Variants in CNTNAP2 observed in about 807,000 individuals in gnomAD.
The protein encoded by CNTNAP2 is contactin-associated protein-like 2.
In CNTNAP2, 98 loss-of-function variants were observed where a neutral mutation model predicts 155.2. The ratio of observed to expected loss-of-function variants is 0.63; its 90% confidence interval spans 0.54 to 0.75. The LOEUF is 0.75. CNTNAP2 is among the 30% of genes least tolerant of loss of function. The probability of loss-of-function intolerance (pLI) is 0.00; values close to 1 mark genes in which losing one functional copy is unlikely to be tolerated. For synonymous variants in CNTNAP2, 651 were observed against 631.2 expected (o/e 1.03, Z -0.47); for missense variants, 1,727 against 1,688.1 (o/e 1.02, Z -0.40).
chr7:147,499,270 T>A (rs969267574), intron 11 of CNTNAP2, among the ~76,000 whole-genome samples: 1 of 152,150 alleles, frequency 6.6e-6, no homozygotes, highest in African/African-American at 2.4e-5. Flanking sequence ...GGCTCTCGCC[T>A]GTAATCCCAG....
intron 9 of CNTNAP2, among the ~76,000 whole-genome samples, chr7:147,334,789 T>A (rs902495788): frequency 1.3e-5 from 2 of 152,152 alleles, no homozygotes; most frequent in African/African-American, 4.8e-5. Flanking sequence ...TGTTCGTGTG[T>A]GAAAACGAGG....
intron 5 of CNTNAP2, among the ~76,000 whole-genome samples, chr7:147,108,721 GAACAGATT>G (rs1800817742): frequency 6.6e-6 from 1 of 152,062 alleles, no homozygotes; most frequent in South Asian, 2.1e-4. Flanking sequence ...TGAACCAGTT[GAACAGATT>G]AATATGATAA....
intron 1 of CNTNAP2, among the ~76,000 whole-genome samples, chr7:146,321,306 A>C (rs558257866): frequency 2.2e-4 from 34 of 152,324 alleles, no homozygotes; most frequent in Admixed American, 2.2e-3. Flanking sequence ...AAGAATTAAA[A>C]CGAGAAGTTT....
chr7:146,932,118 G>T (rs1796773993), intron 3 of CNTNAP2, among the ~76,000 whole-genome samples: 1 of 151,934 alleles, frequency 6.6e-6, no homozygotes, highest in African/African-American at 2.4e-5. Context: ...ACCAAAGCCT[G>T]GCAGAGACAC....
chr7:146,910,762 A>G (rs1796255783), intron 3 of CNTNAP2, among the ~76,000 whole-genome samples: 1 of 148,658 alleles, frequency 6.7e-6, no homozygotes, highest in Non-Finnish European at 1.5e-5. Flanking sequence ...CTTCATGTCT[A>G]AAACACCAAA....
Position 146,134,871 on chromosome 7 carries a change from T to C in CNTNAP2, c.97+17898T>C, listed in dbSNP as rs940307683. 2.6e-5 allele frequency among the ~76,000 whole-genome samples: 4 copies of C among 151,746 alleles called. No individual in the cohort carries two copies. In the South Asian group the frequency reaches 6.2e-4, roughly 24 times the overall value. On this transcript the variant is annotated intron_variant, in intron 1 of 23. Coordinates refer to ENST00000361727, the MANE Select transcript of CNTNAP2 (RefSeq NM_014141.6). Reference sequence around the variant, plus strand: ...CATCAAGGATATTGGTCTAAAATTCTCTTTTTTTGTTGTGTCTCTGCCTGG... The same window carrying C: ...CATCAAGGATATTGGTCTAAAATTCCCTTTTTTTGTTGTGTCTCTGCCTGG...
At chr7:146,170,018 CTTTTTTTTTTT>C (rs71175637) in intron 1 of CNTNAP2, among the ~76,000 whole-genome samples, 1 of 126,940 alleles carries the variant, frequency 7.9e-6, no homozygotes, top group African/African-American at 2.9e-5. Context: ...CCTTTCTTTT[CTTTTTTTTTTT>C]TTTTTTGGAG....
At chr7:146,137,744 C>G (rs1679098016) in intron 1 of CNTNAP2, among the ~76,000 whole-genome samples, 2 of 151,568 alleles carry the variant, frequency 1.3e-5, no homozygotes, top group Admixed American at 1.3e-4. Context: ...GAGATAAGAC[C>G]AAGGTTAATT....
At chr7:146,585,873 T>G (rs1798683584) in intron 1 of CNTNAP2, among the ~76,000 whole-genome samples, 1 of 151,868 alleles carries the variant, frequency 6.6e-6, no homozygotes, top group Non-Finnish European at 1.5e-5. Flanking sequence ...GGGGTGGTCG[T>G]GTGCACCTAT....
At chr7:147,159,960 C>A (rs1437151887) in intron 8 of CNTNAP2, among the ~76,000 whole-genome samples, 1 of 151,578 alleles carries the variant, frequency 6.6e-6, no homozygotes, top group East Asian at 1.9e-4. Context: ...ACAAAAGTTG[C>A]AAAACAGAAG....
chr7:147,940,206 G>A (rs972724910), intron 14 of CNTNAP2: 2 of 149,820 alleles, frequency 1.3e-5, no homozygotes, highest in Non-Finnish European at 3.0e-5. Context: ...AGTGAGAAAC[G>A]GAGCAGGTCA....
chr7:147,551,259 C>A (rs1284274482), intron 11 of CNTNAP2, among the ~76,000 whole-genome samples: 1 of 152,058 alleles, frequency 6.6e-6, no homozygotes, highest in Non-Finnish European at 1.5e-5. Flanking sequence ...TCAATAAAGT[C>A]AGAATAAAGA....
At chr7:148,408,475 A>G (rs1285012324) in intron 22 of CNTNAP2, among the ~76,000 whole-genome samples, 3 of 152,322 alleles carry the variant, frequency 2.0e-5, no homozygotes, top group South Asian at 2.1e-4. Flanking sequence ...GTATGTAGCA[A>G]TGTTCTCCCT....
chr7:146,136,390 G>A (rs1584766786), intron 1 of CNTNAP2, among the ~76,000 whole-genome samples: 1 of 152,234 alleles, frequency 6.6e-6, no homozygotes, highest in East Asian at 1.9e-4. Flanking sequence ...ACTCACAAGG[G>A]ACCTCAAAAC....
chr7:148,072,811 G>A (rs186237262), intron 15 of CNTNAP2, among the ~76,000 whole-genome samples: 84 of 152,252 alleles, frequency 5.5e-4, no homozygotes, highest in Middle Eastern at 3.4e-3. Context: ...AGGTTCAAGC[G>A]ATTCTCCTGC....
At chr7:147,775,621 C>A (rs1246471541) in intron 13 of CNTNAP2, among the ~76,000 whole-genome samples, 1 of 151,042 alleles carries the variant, frequency 6.6e-6, no homozygotes, top group Admixed American at 6.7e-5. Flanking sequence ...CTTTTCAGAG[C>A]CCTGCTTCCT....
chr7:146,883,269 C>T lies in CNTNAP2; in HGVS notation c.402+43365C>T, dbSNP rs60847964. Among the ~76,000 whole-genome samples the T allele has an allele frequency of 5.4e-3, 823 of 152,208 alleles. 7 individuals are homozygous for T. The highest frequency in any genetic ancestry group is 0.019 in the African/African-American group (775 of 41,524). The stretch of plus-strand genomic sequence containing the variant: ...TTACAATGTTATTTCACAATATTCC[C>T]TATAAAGGTGTTTCCAATAATTTCA... On this transcript the variant is annotated intron_variant, in intron 3 of 23. Coordinates refer to ENST00000361727, the MANE Select transcript of CNTNAP2 (RefSeq NM_014141.6).
Position 147,050,073 on chromosome 7 carries a change from T to C in CNTNAP2, c.550+6019T>C, listed in dbSNP as rs148086976. On this transcript the variant is annotated intron_variant, in intron 4 of 23. Transcript: ENST00000361727. ...ACTCATTTGAAATCATTCTGCTTCCTCTACGTTTGGTTTTCCCTCAAGTTT... is the reference window on the plus strand; with the variant it reads ...ACTCATTTGAAATCATTCTGCTTCCCCTACGTTTGGTTTTCCCTCAAGTTT... 6.1e-3 allele frequency among the ~76,000 whole-genome samples: 928 copies of C among 152,324 alleles called. 7 individuals carry two copies. Among genetic ancestry groups the C allele is most frequent in the African/African-American group, 0.021 (854 of 41,562 alleles).
chr7:148,201,073 G>A (rs531792863), intron 18 of CNTNAP2, among the ~76,000 whole-genome samples: 3 of 152,262 alleles, frequency 2.0e-5, no homozygotes, highest in African/African-American at 7.2e-5. Context: ...TGAATCTTGA[G>A]TTTTCTTTAT....
Sources: allele counts gnomAD v4.1 joint callset (sites outside exome capture counted in the v4.1 genomes callset), GRCh38; gene constraint gnomAD v4.1.1; transcripts MANE v1.5; gene names NCBI Gene and HGNC (gene_info 2026-07-23, HGNC 2026-07-21).